Variants in NCOA2 observed in about 807,000 individuals in gnomAD.
NCOA2 encodes class E basic helix-loop-helix protein 75.
In NCOA2, 21 loss-of-function variants were observed where a neutral mutation model predicts 145.1. The ratio of observed to expected loss-of-function variants is 0.14; its 90% CI spans 0.10 to 0.21. The LOEUF (loss-of-function observed/expected upper bound fraction) is 0.21, where lower values mean the gene tolerates loss of function less well. Among genes scored for constraint, NCOA2 ranks in the 10% least tolerant of loss-of-function variants. The pLI is 1.00. For missense variants in NCOA2, 1,472 were observed against 1,837.6 expected (o/e 0.80, Z 3.64); for synonymous variants, 619 against 637.5 (o/e 0.97, Z 0.44).
At chr8:70,327,831 A>G (rs1347574203) in intron 1 of NCOA2, among the ~76,000 whole-genome samples, 2 of 152,192 alleles carry the variant, frequency 1.3e-5, no homozygotes, top group Admixed American at 1.3e-4. Context: ...TGGGTTTTTA[A>G]AGCTACATTA....
At chr8:70,278,860 G>C (rs1195459559) in intron 2 of NCOA2, among the ~76,000 whole-genome samples, 1 of 151,762 alleles carries the variant, frequency 6.6e-6, no homozygotes, top group Non-Finnish European at 1.5e-5. Context: ...CAGCTACAAG[G>C]TAGGCTGAGG....
intron 1 of NCOA2, among the ~76,000 whole-genome samples, chr8:70,342,199 A>G (rs1808201715): frequency 6.6e-6 from 1 of 152,218 alleles, no homozygotes; most frequent in Non-Finnish European, 1.5e-5. Flanking sequence ...TAAAGTCCTC[A>G]TAGTTTTAAA....
chr8:70,362,100 T>C (rs1407374620), intron 1 of NCOA2, among the ~76,000 whole-genome samples: 1 of 152,228 alleles, frequency 6.6e-6, no homozygotes, highest in Non-Finnish European at 1.5e-5. Context: ...TGTGACAGGA[T>C]TGATTTTTTT....
chr8:70,124,878 AACAG>A lies in NCOA2; in HGVS notation c.3917-17_3917-14del. ...TGCTGACTTATTCCTTAAAAAAAAAAACAGAAACAGAAATCCAAAAGAGACTGTT... is the reference window on the plus strand; with the variant it reads ...TGCTGACTTATTCCTTAAAAAAAAAAAAACAGAAATCCAAAAGAGACTGTT... On this transcript the variant is annotated splice_polypyrimidine_tract_variant and intron_variant, in intron 19 of 22. Coordinates refer to ENST00000452400, the MANE Select transcript of NCOA2 (RefSeq NM_006540.4). 6.4e-7 allele frequency: 1 copy of A among 1,561,884 alleles called. No homozygotes were observed. The highest frequency in any genetic ancestry group is 1.7e-4 in the Middle Eastern group (1 of 5,776).
intron 1 of NCOA2, among the ~76,000 whole-genome samples, chr8:70,380,604 CT>C (rs139858283): frequency 2.8e-4 from 42 of 152,260 alleles, no homozygotes; most frequent in Non-Finnish European, 4.3e-4. Context: ...TTTCTCTCCC[CT>C]AGACTATATG....
intron 1 of NCOA2, among the ~76,000 whole-genome samples, chr8:70,302,523 G>C (rs1827587850): frequency 6.6e-6 from 1 of 152,070 alleles, no homozygotes; most frequent in Admixed American, 6.6e-5. Flanking sequence ...ACAGAATCAT[G>C]GCAAAACTCC....
the NCOA2 span, among the ~76,000 whole-genome samples, chr8:70,423,616 T>G: frequency 4.5e-4 from 68 of 152,278 alleles, no homozygotes; most frequent in African/African-American, 1.6e-3. Context: ...CTCGCCCTAA[T>G]GAGGGGGAAG....
rs926545277 is a variant in NCOA2 at position 70,227,165 on chromosome 8, G to C, written c.-19-10401C>G. 2.6e-5 allele frequency among the ~76,000 whole-genome samples: 4 copies of C among 152,292 alleles called. No homozygotes were observed. The South Asian group carries it at 8.3e-4, about 32-fold the overall frequency. On this transcript the variant is annotated intron_variant, in intron 2 of 22. Transcript: ENST00000452400. Reference sequence around the variant, plus strand: ...AGGCTCATGCTGCTGCCTCCCACTCGAGTGTCTCTGTCAGGGATGGGCCTT... The same window carrying C: ...AGGCTCATGCTGCTGCCTCCCACTCCAGTGTCTCTGTCAGGGATGGGCCTT...
intron 1 of NCOA2, among the ~76,000 whole-genome samples, chr8:70,385,919 A>C (rs1050591485): frequency 6.6e-6 from 1 of 152,070 alleles, no homozygotes; most frequent in African/African-American, 2.4e-5. Flanking sequence ...TTTGTGTGTA[A>C]CTTGTGGTAC....
chr8:70,415,159 T>C, the NCOA2 span, among the ~76,000 whole-genome samples: 1 of 152,030 alleles, frequency 6.6e-6, no homozygotes, highest in Non-Finnish European at 1.5e-5. Context: ...TTCTTCAAAA[T>C]TAACCTGAGT....
intron 1 of NCOA2, among the ~76,000 whole-genome samples, chr8:70,330,714 G>A (rs1181878533): frequency 1.3e-5 from 2 of 152,104 alleles, no homozygotes; most frequent in Non-Finnish European, 2.9e-5. Flanking sequence ...GCAAAATGCT[G>A]AACACAAGTT....
intron 22 of NCOA2, among the ~76,000 whole-genome samples, chr8:70,117,337 G>C (rs1013063654): frequency 5.9e-5 from 9 of 152,296 alleles, no homozygotes; most frequent in African/African-American, 2.2e-4. Context: ...TGAAATGGTG[G>C]GGAACCTTAA....
the NCOA2 span, among the ~76,000 whole-genome samples, chr8:70,433,787 G>C: frequency 6.6e-6 from 1 of 152,160 alleles, no homozygotes; most frequent in African/African-American, 2.4e-5. Context: ...TTTCTGGCTT[G>C]GGTGATGAGA....
rs770795171 is a variant in NCOA2 at position 70,124,825 on chromosome 8, C to T, written c.3957G>A (p.Thr1319=). The change falls in exon 20 of 23, where the codon ACG becomes ACA. Residue 1319 remains threonine (T), a synonymous_variant. Transcript: ENST00000452400. Reference sequence around the variant, plus strand: ...GTGACATAAGTGGGCTCTGGGGAGTCGTAGCCCCAGTAAAGCCTGGATCAG... The same window carrying T: ...GTGACATAAGTGGGCTCTGGGGAGTTGTAGCCCCAGTAAAGCCTGGATCAG... ...QQPDPGFTGA[T]TPQSPLMSPR... is the part of the protein sequence containing the mutation. 7 of 1,609,016 alleles carry T rather than the reference C, an allele frequency of 4.4e-6. No homozygotes were observed. The highest frequency in any genetic ancestry group is 1.3e-5 in the African/African-American group (1 of 74,382).
chr8:70,386,305 GTATAGACTC>G (rs1367116875), intron 1 of NCOA2, among the ~76,000 whole-genome samples: 1 of 152,158 alleles, frequency 6.6e-6, no homozygotes, highest in African/African-American at 2.4e-5. Flanking sequence ...TAAAATAAAT[GTATAGACTC>G]TTGGATGAGA....
chr8:70,390,724 T>A (rs1454579583), intron 1 of NCOA2, among the ~76,000 whole-genome samples: 1 of 152,092 alleles, frequency 6.6e-6, no homozygotes, highest in Non-Finnish European at 1.5e-5. Context: ...CTATGATCCG[T>A]GCCACTGTAC....
chr8:70,183,567 A>G (rs1476709957), intron 4 of NCOA2, among the ~76,000 whole-genome samples: 3 of 152,224 alleles, frequency 2.0e-5, no homozygotes, highest in South Asian at 2.1e-4. Context: ...CACCATAGCA[A>G]TATTTAGTAT....
rs1262386218 is a variant in NCOA2 at position 70,141,244 on chromosome 8, T to C, written c.2968A>G (p.Met990Val). ...MIRNPAASIP[M>V]RPSSQPGQRQ... ...TGGCCAGGCTGGCTGCTGGGCCTCA[T>C]GGGGATGCTGGCTGCTGGGTTCCGA... The change falls in exon 14 of 23, where the codon ATG (methionine) becomes GTG (valine). Residue 990 changes from methionine to valine, a missense_variant. Around this residue, in one of 4 missense-constraint regions of NCOA2, gnomAD observed 953 missense variants for 1,062.1 expected, o/e 0.90. Coordinates refer to ENST00000452400, the MANE Select transcript of NCOA2 (RefSeq NM_006540.4). 11 of 1,613,734 alleles carry C rather than the reference T, an allele frequency of 6.8e-6. No individual in the cohort carries two copies. The highest frequency in any genetic ancestry group is 8.5e-6 in the Non-Finnish European group (10 of 1,179,852).
At chr8:70,130,039 C>A (rs748116661) in intron 16 of NCOA2, among the ~76,000 whole-genome samples, 1 of 152,174 alleles carries the variant, frequency 6.6e-6, no homozygotes, top group African/African-American at 2.4e-5. Flanking sequence ...GTGCTGGAGC[C>A]GCCCAGAGCC....
Sources: allele counts gnomAD v4.1 joint callset (sites outside exome capture counted in the v4.1 genomes callset), GRCh38; gene constraint gnomAD v4.1.1; regional missense constraint gnomAD v4.1.1; transcripts MANE v1.5; gene names NCBI Gene and HGNC (gene_info 2026-07-23, HGNC 2026-07-21).